The following MPP7 variants were observed in gnomAD, a reference collection of about 807,000 sequenced individuals.
The protein encoded by MPP7 is MAGUK p55 scaffold protein 7.
A neutral mutation model predicts 76.5 loss-of-function variants in MPP7; 60 were observed. That is an observed-to-expected ratio of 0.78 (90% confidence interval 0.64 to 0.97). The LOEUF is 0.97. Among genes scored for constraint, MPP7 ranks in the 50% least tolerant of loss-of-function variants. MPP7 has a pLI of 0.00. For missense variants in MPP7, 641 were observed against 694.0 expected, an observed-to-expected ratio of 0.92 and a Z score of 0.86; for synonymous variants, 237 against 244.5, an observed-to-expected ratio of 0.97 and a Z score of 0.29.
At chr10:28,132,755 C>T (rs113536668) in intron 5 of MPP7, among the ~76,000 whole-genome samples, 2,292 of 152,222 alleles carry the variant, frequency 0.015, 64 homozygotes, top group African/African-American at 0.05. Context: ...CCCGCCACCA[C>T]GCCTGGCTAG....
chr10:28,059,774 G>A (rs1482908892), intron 13 of MPP7, 31 bp from the exon 14 acceptor site: 5 of 1,383,388 alleles, frequency 3.6e-6, no homozygotes, highest in Admixed American at 1.7e-5. Flanking sequence ...GTTTAGAAAA[G>A]CCCACATCAG....
chr10:28,233,536 G>A (rs570570195), intron 2 of MPP7, among the ~76,000 whole-genome samples: 14 of 149,412 alleles, frequency 9.4e-5, no homozygotes, highest in South Asian at 4.2e-4. Context: ...ATGAAACCCC[G>A]TCTCTATTAA....
At chr10:28,066,493 C>G (rs917977399) in intron 13 of MPP7, among the ~76,000 whole-genome samples, 1 of 152,132 alleles carries the variant, frequency 6.6e-6, no homozygotes, top group African/African-American at 2.4e-5. Flanking sequence ...ATTTACATAA[C>G]TATAGCACTT....
intron 3 of MPP7, among the ~76,000 whole-genome samples, chr10:28,159,445 T>C (rs575688146): frequency 4.9e-4 from 74 of 152,358 alleles, no homozygotes; most frequent in African/African-American, 1.7e-3. Flanking sequence ...AAAATCAGTA[T>C]ATTTTCCAAA....
At position 28,303,026 on chromosome 10, in the gene MPP7, G is replaced by A. The variant is rs1459014799; in HGVS notation, c.-297C>T. On this transcript the variant is annotated 5_prime_UTR_variant, in exon 1 of 17. Coordinates refer to ENST00000683449, the MANE Select transcript of MPP7 (RefSeq NM_001318170.2). Reference sequence around the variant, plus strand: ...GGGCGCAGAACGCACGAGCCCAGTGGGAGCCCGGCCCCCGCCTCCAGCCCG... The same window carrying A: ...GGGCGCAGAACGCACGAGCCCAGTGAGAGCCCGGCCCCCGCCTCCAGCCCG... Among the ~76,000 whole-genome samples, 2 of 150,076 alleles carry A rather than the reference G, an allele frequency of 1.3e-5. No individual in the cohort carries two copies. The highest frequency in any genetic ancestry group is 6.6e-5 in the Admixed American group (1 of 15,156).
At chr10:28,250,394 T>C (rs1302436758) in intron 1 of MPP7, among the ~76,000 whole-genome samples, 1 of 152,194 alleles carries the variant, frequency 6.6e-6, no homozygotes, top group African/African-American at 2.4e-5. Flanking sequence ...ATGCTAAAAC[T>C]TTTTTAGGGG....
chr10:28,155,606 A>AAAAAAAAG (rs986887265), intron 3 of MPP7, among the ~76,000 whole-genome samples: 27 of 150,646 alleles, frequency 1.8e-4, no homozygotes, highest in African/African-American at 5.9e-4. Context: ...TCCAAAAAAA[A>AAAAAAAAG]AAAGAAAGAA....
intron 1 of MPP7, among the ~76,000 whole-genome samples, chr10:28,293,542 A>G (rs1025109110): frequency 2.6e-5 from 4 of 152,240 alleles, no homozygotes; most frequent in Non-Finnish European, 2.9e-5. Context: ...GCAAGGAAGA[A>G]CATGAATGGG....
At chr10:28,311,899 T>C (rs1841291883) in intron 2 of MPP7, among the ~76,000 whole-genome samples, 1 of 152,214 alleles carries the variant, frequency 6.6e-6, no homozygotes, top group South Asian at 2.1e-4. Context: ...ATCTATAGTG[T>C]TTGAAGTTGG....
chr10:28,279,676 A>G (rs975282836), intron 1 of MPP7, among the ~76,000 whole-genome samples: 2 of 151,402 alleles, frequency 1.3e-5, no homozygotes, highest in Non-Finnish European at 2.9e-5. Context: ...CTGCACTCCA[A>G]CCTGGGTGAC....
rs1383900093 is a variant in MPP7, at chr10:28,170,478, T to C, written c.157-20419A>G. The stretch of plus-strand genomic sequence containing the variant: ...AACCACTGCATCCAACTTCCTCTAT[T>C]TTCTTTATCATCGCTGCCTGGATCC... On this transcript the variant is annotated intron_variant, in intron 3 of 16. Coordinates refer to ENST00000683449, the MANE Select transcript of MPP7 (RefSeq NM_001318170.2). Among the ~76,000 whole-genome samples, 4 of 151,946 alleles carry C rather than the reference T, an allele frequency of 2.6e-5. No homozygotes were observed. In the East Asian group the frequency reaches 7.7e-4, roughly 29 times the overall value.
intron 5 of MPP7, among the ~76,000 whole-genome samples, chr10:28,136,579 C>T (rs1383087986): frequency 6.6e-6 from 1 of 151,756 alleles, no homozygotes; most frequent in Non-Finnish European, 1.5e-5. Context: ...AGATAGCAGA[C>T]AAGAAAATTA....
At chr10:28,099,435 A>C (rs1168843399) in intron 11 of MPP7, among the ~76,000 whole-genome samples, 2 of 152,198 alleles carry the variant, frequency 1.3e-5, no homozygotes, top group East Asian at 3.8e-4. Flanking sequence ...ATATGTGTTG[A>C]TAGCATGGGA....
intron 1 of MPP7, among the ~76,000 whole-genome samples, chr10:28,256,327 G>GA (rs200425685): frequency 0.021 from 2,089 of 99,760 alleles, 23 homozygotes; most frequent in Non-Finnish European, 0.026. Flanking sequence ...TGCTTTCAGG[G>GA]AAAAAAAAAA....
At chr10:28,272,462 AAT>A (rs1197944342) in intron 1 of MPP7, among the ~76,000 whole-genome samples, 1 of 152,204 alleles carries the variant, frequency 6.6e-6, no homozygotes, top group African/African-American at 2.4e-5. Context: ...TAAAATAATA[AAT>A]AGAGGTAATT....
At chr10:28,154,070 A>G (rs1835969165) in intron 3 of MPP7, among the ~76,000 whole-genome samples, 1 of 152,176 alleles carries the variant, frequency 6.6e-6, no homozygotes, top group African/African-American at 2.4e-5. Context: ...TTTCTGATGC[A>G]TGACCTTGAA....
At chr10:28,276,339 T>C (rs1350995812) in intron 1 of MPP7, among the ~76,000 whole-genome samples, 4 of 152,100 alleles carry the variant, frequency 2.6e-5, no homozygotes, top group Non-Finnish European at 4.4e-5. Context: ...CCTTGTCACA[T>C]GCTTTTTACA....
intron 11 of MPP7, among the ~76,000 whole-genome samples, chr10:28,093,064 T>C (rs1254815569): frequency 3.3e-5 from 5 of 152,132 alleles, no homozygotes; most frequent in Non-Finnish European, 7.3e-5. Flanking sequence ...TGTAGCCCAG[T>C]ATTAGCACGG....
At chr10:28,334,650 A>C (rs910115265), upstream of MPP7, among the ~76,000 whole-genome samples, 2 of 152,172 alleles carry the variant, frequency 1.3e-5, no homozygotes, top group African/African-American at 4.8e-5. Context: ...AAATATTAAC[A>C]CTTTCCCTTT....
Sources: allele counts gnomAD v4.1 joint callset (sites outside exome capture counted in the v4.1 genomes callset), GRCh38; gene constraint gnomAD v4.1.1; transcripts MANE v1.5; gene names NCBI Gene and HGNC (gene_info 2026-07-23, HGNC 2026-07-21).